The following CAMTA2 variants were observed in gnomAD, a reference collection of about 807,000 sequenced individuals.
CAMTA2 encodes the protein calmodulin binding transcription activator 2, also known as calmodulin-binding transcription activator 2.
In CAMTA2, 56 loss-of-function variants were observed where a neutral mutation model predicts 135.7. The ratio of observed to expected loss-of-function variants is 0.41; its 90% CI spans 0.33 to 0.52. CAMTA2 has a LOEUF of 0.52. CAMTA2 is among the 20% of genes least tolerant of loss of function. CAMTA2 has a pLI of 0.16. For synonymous variants in CAMTA2, 591 were observed against 604.6 expected (o/e 0.98, Z 0.33); for missense variants, 1,358 against 1,553.4 (o/e 0.87, Z 2.11).
At position 4,972,802 on chromosome 17, in the gene CAMTA2, C is replaced by T. The variant is rs751517055; in HGVS notation, c.2470G>A (p.Ala824Thr). ...RQEPSVEPPF[A>T]LSPPSSSPDT... ...GGGCTGGAGGAGGGTGGCGATAGGG[C>T]AAATGGGGGCTCCACCGAAGGCTCC... Residue 824 changes from alanine to threonine, a missense_variant, in exon 15 of 23, where the codon GCC becomes ACC. Physicochemically the swap from Ala to Thr is moderately conservative, Grantham distance 58. Coordinates refer to ENST00000348066, the MANE Select transcript of CAMTA2 (RefSeq NM_015099.4). 1.2e-6 allele frequency: 2 copies of T among 1,613,742 alleles called. No individual in the cohort carries two copies. Among genetic ancestry groups the T allele is most frequent in the African/African-American group, 1.3e-5 (1 of 74,898 alleles).
chr17:4,985,328 G>A (rs529725989), intron 3 of CAMTA2, among the ~76,000 whole-genome samples: 10 of 152,374 alleles, frequency 6.6e-5, no homozygotes, highest in South Asian at 4.1e-4. Flanking sequence ...TGTTTAGCAC[G>A]GTGCCCAGTA....
rs1972094072 is a variant in CAMTA2 at position 4,969,033 on chromosome 17, G to C, written c.3471-52C>G. On this transcript the variant is annotated intron_variant, in intron 21 of 22. Coordinates refer to ENST00000348066, the MANE Select transcript of CAMTA2 (RefSeq NM_015099.4). This position sits in a 1 kb window ranked among gnomAD's most constrained non-coding sequence, Gnocchi z 5.6. Reference sequence around the variant, plus strand: ...TCACAGAAGGCATCGCATGCCTTCGGCCCCCCCAGGAACCCTAGGCAGGGA... The same window carrying C: ...TCACAGAAGGCATCGCATGCCTTCGCCCCCCCCAGGAACCCTAGGCAGGGA... 6.3e-7 allele frequency: 1 copy of C among 1,596,136 alleles called. No individual in the cohort carries two copies. The highest frequency in any genetic ancestry group is 8.6e-7 in the Non-Finnish European group (1 of 1,166,680).
In CAMTA2 at chr17:4,986,393, G is replaced by A. The variant is rs1973303277; in HGVS notation, c.-64-107C>T. The A allele has an allele frequency of 3.3e-6, 2 of 607,286 alleles. 1 individual carries two copies. Among genetic ancestry groups the A allele is most frequent in the South Asian group, 4.0e-5 (2 of 50,536 alleles). The allele number at this position is 607,286 out of a possible 1,614,324, so 37.6% of individuals were successfully genotyped here. A position where few individuals can be genotyped will look rare whatever the true frequency, so the allele number is the denominator to read the frequency against. On this transcript the variant is annotated intron_variant, in intron 1 of 22. Transcript: ENST00000348066. ...GAACTGGGTCATAGTATCTGGGAAG[G>A]ATGAGGAAAGGGAGGGAGGGGCTGA... is the stretch of plus-strand genomic sequence containing the variant.
In CAMTA2 at chr17:4,982,795, G is replaced by C; in HGVS notation, c.301C>G (p.Arg101Gly). The change falls in exon 5 of 23, where the codon CGA becomes GGA. Residue 101 changes from arginine to glycine, a missense_variant. Physicochemically the swap from Arg to Gly is moderately radical, Grantham distance 125 (BLOSUM62 -2). Transcript: ENST00000348066. Reference sequence around the variant, plus strand: ...ACCTTCAGCTTCATGTGGTCCTCTCGGGTGGTCTTCCCATCCTTCCGCTTC... The same window carrying C: ...ACCTTCAGCTTCATGTGGTCCTCTCCGGTGGTCTTCCCATCCTTCCGCTTC... ...WKKRKDGKTT[R>G]EDHMKLKVQG... 3.1e-6 allele frequency: 5 copies of C among 1,614,110 alleles called. No individual in the cohort carries two copies. Among genetic ancestry groups the C allele is most frequent in the Non-Finnish European group, 4.2e-6 (5 of 1,180,016 alleles).
rs549588364 is a variant in CAMTA2 at position 4,968,136 on chromosome 17, A to G, written c.*620T>C. 29 of 416,454 alleles carry G rather than the reference A, an allele frequency of 7.0e-5. No homozygotes were observed. In the South Asian group the frequency reaches 7.7e-4, roughly 11 times the overall value. The allele number at this position is 416,454 out of a possible 1,614,324, so 25.8% of individuals were successfully genotyped here. A position where few individuals can be genotyped will look rare whatever the true frequency, so the allele number is the denominator to read the frequency against. ...TGCAGCCCTCCCCGCGGCGCCTTAA[A>G]TAGATTCTTCACTATACTCTGTATG... On this transcript the variant is annotated 3_prime_UTR_variant, in exon 23 of 23. Coordinates refer to ENST00000348066, the MANE Select transcript of CAMTA2 (RefSeq NM_015099.4).
intron 10 of CAMTA2, 128 bp from the exon 11 acceptor site, chr17:4,977,320 T>A: frequency 8.7e-7 from 1 of 1,151,032 alleles, no homozygotes; most frequent in South Asian, 1.6e-5. Context: ...AAGAGGCCCC[T>A]GGCTTCAGTG....
In CAMTA2 at chr17:4,986,271, G is replaced by A. The variant is rs1973283283; in HGVS notation, c.-49C>T. 9 of 1,480,154 alleles carry A rather than the reference G, an allele frequency of 6.1e-6. No individual in the cohort carries two copies. Among genetic ancestry groups the A allele is most frequent in the Non-Finnish European group, 7.5e-6 (8 of 1,069,920 alleles). The allele number at this position is 1,480,154 out of a possible 1,614,324, so 91.7% of individuals were successfully genotyped here. A position where few individuals can be genotyped will look rare whatever the true frequency, so the allele number is the denominator to read the frequency against. On this transcript the variant is annotated 5_prime_UTR_variant, in exon 2 of 23. Transcript: ENST00000348066. ...TCACCCCCGGCCTGAGGGGCCGGGG[G>A]GAGGGGGAGTCTGTGCTGGGAAGGG...
Position 4,980,433 on chromosome 17 carries a change from A to T in CAMTA2, c.889T>A (p.Ser297Thr), listed in dbSNP as rs1972887511. 3.1e-6 allele frequency: 5 copies of T among 1,610,372 alleles called. No homozygotes were observed. The highest frequency in any genetic ancestry group is 4.2e-6 in the Non-Finnish European group (5 of 1,179,210). ...AGGGGCTCTGCAAAACCTGATGAGGAGGAAGAAGAGGAAGAAGATGGGGAG... is the reference window on the plus strand; with the variant it reads ...AGGGGCTCTGCAAAACCTGATGAGGTGGAAGAAGAGGAAGAAGATGGGGAG... ...HTSPSSSSSS[S>T]SSGFAEPLEI... The change falls in exon 9 of 23, where the codon TCC (serine) becomes ACC (threonine). Residue 297 changes from serine to threonine, a missense_variant. Ser to Thr is a moderately conservative substitution (Grantham distance 58, BLOSUM62 1). This residue lies in a region of CAMTA2 where 1,077 missense variants were observed against 1,127.5 expected (regional missense o/e 0.96). Transcript: ENST00000348066. This position sits in a 1 kb window ranked among gnomAD's most constrained non-coding sequence, Gnocchi z 5.3.
chr17:4,974,279 G>A, intron 12 of CAMTA2, 106 bp downstream of exon 12: 1 of 727,500 alleles, frequency 1.4e-6, no homozygotes, highest in South Asian at 1.6e-5. Flanking sequence ...AGGCTGAGGA[G>A]GCTGGGGACA....
Position 4,986,202 on chromosome 17 carries a change from G to A in CAMTA2, c.21C>T (p.Thr7=), listed in dbSNP as rs548330981. MNTKDT[T]EVAENSHHLK... ...GGTTTGTGAACTTACCAGCAACCTC[G>A]GTGGTGTCCTTGGTATTCATGGTGA... The change falls in exon 2 of 23, where the codon ACC becomes ACT. Residue 7 remains threonine (T), a synonymous_variant. Transcript: ENST00000348066. 6 of 1,603,230 alleles carry A rather than the reference G, an allele frequency of 3.7e-6. No homozygotes were observed. Among genetic ancestry groups the A allele is most frequent in the South Asian group, 1.1e-5 (1 of 90,864 alleles).
At chr17:4,981,131 C>T in intron 8 of CAMTA2, 94 bp downstream of exon 8, 1 of 1,434,412 alleles carries the variant, frequency 7.0e-7, no homozygotes. Flanking sequence ...TGCAAATCAG[C>T]ATGCAAATCC....
chr17:4,987,287 C>G (rs1426932602), intron 1 of CAMTA2: 15 of 1,343,388 alleles, frequency 1.1e-5, no homozygotes, highest in Middle Eastern at 2.7e-4. Flanking sequence ...GTGGGAGGGT[C>G]CCGCCCGCAT....
At chr17:4,979,456 GC>G in intron 9 of CAMTA2, 1 of 351,562 alleles carries the variant, frequency 2.8e-6, no homozygotes, top group South Asian at 5.4e-5. Flanking sequence ...GTTGCAGTGA[GC>G]CAAGATTGTG....
chr17:4,983,102 T>A, intron 3 of CAMTA2, 59 bp from the exon 4 acceptor site: 1 of 1,411,526 alleles, frequency 7.1e-7, no homozygotes, highest in Non-Finnish European at 1.0e-6. Context: ...CAGCCTGGCC[T>A]CTTGGTCATC....
At chr17:4,973,395 C>T in intron 13 of CAMTA2, 142 bp from the exon 14 acceptor site, 1 of 868,020 alleles carries the variant, frequency 1.2e-6, no homozygotes, top group South Asian at 1.4e-5. Flanking sequence ...TTAAGGAGGT[C>T]AAGAAGTCAA....
chr17:4,978,611 A>G lies in CAMTA2; in HGVS notation c.1658T>C (p.Ile553Thr), dbSNP rs1161400908. Reference protein sequence around the residue: ...SYPEGGVKVLITGPWTEAAEH... With the variant: ...SYPEGGVKVLTTGPWTEAAEH... ...GGCGGCTTCGGTCCAAGGACCTGTG[A>G]TGAGCACCTTGACCCCACCCTGCAG... Residue 553 changes from isoleucine (I) to threonine (T), a missense_variant, in exon 10 of 23, where the codon ATC becomes ACC. By Grantham distance (89) the Ile-to-Thr change is moderately conservative (BLOSUM62 -1). Coordinates refer to ENST00000348066, the MANE Select transcript of CAMTA2 (RefSeq NM_015099.4). The G allele has an allele frequency of 1.9e-6, 3 of 1,613,850 alleles. No homozygotes were observed. The highest frequency in any genetic ancestry group is 2.5e-6 in the Non-Finnish European group (3 of 1,179,852).
rs1188909005 is a variant in CAMTA2 at position 4,974,367 on chromosome 17, C to T, written c.2016+18G>A. 1.3e-6 allele frequency: 2 copies of T among 1,517,842 alleles called. No homozygotes were observed. Among genetic ancestry groups the T allele is most frequent in the Non-Finnish European group, 1.8e-6 (2 of 1,092,584 alleles). The allele number at this position is 1,517,842 out of a possible 1,614,324, so 94.0% of individuals were successfully genotyped here. A position where few individuals can be genotyped will look rare whatever the true frequency, so the allele number is the denominator to read the frequency against. ...CCCTGCTCCCCACCGTAGACCACCT[C>T]CCTCCTCACAGAAGTACCTGAACTG... On this transcript the variant is annotated intron_variant, in intron 12 of 22. Transcript: ENST00000348066.
chr17:4,973,506 G>T, intron 13 of CAMTA2, 79 bp downstream of exon 13: 1 of 1,423,280 alleles, frequency 7.0e-7, no homozygotes, highest in Non-Finnish European at 9.6e-7. Context: ...TAGGGCCCCA[G>T]GTCCTCCAAT....
chr17:4,968,298 A>G lies in CAMTA2; in HGVS notation c.*458T>C. The G allele has an allele frequency of 7.4e-6, 2 of 271,646 alleles. No homozygotes were observed. Among genetic ancestry groups the G allele is most frequent in the South Asian group, 4.5e-5 (1 of 22,032 alleles). The allele number at this position is 271,646 out of a possible 1,614,324, so 16.8% of individuals were successfully genotyped here. On this transcript the variant is annotated 3_prime_UTR_variant, in exon 23 of 23. Coordinates refer to ENST00000348066, the MANE Select transcript of CAMTA2 (RefSeq NM_015099.4). Reference sequence around the variant, plus strand: ...TGGGGTAAGACAGGGCCAGAGAGGGAGGAAACAGACGCAAACATGCGGAGT... The same window carrying G: ...TGGGGTAAGACAGGGCCAGAGAGGGGGGAAACAGACGCAAACATGCGGAGT...
Sources: allele counts gnomAD v4.1 joint callset (sites outside exome capture counted in the v4.1 genomes callset), GRCh38; gene constraint gnomAD v4.1.1; regional missense constraint gnomAD v4.1.1; non-coding constraint Gnocchi (gnomAD v3.1); transcripts MANE v1.5; gene names NCBI Gene and HGNC (gene_info 2026-07-23, HGNC 2026-07-21).